Variants in FBXL20 observed in about 807,000 individuals in gnomAD.
The protein encoded by FBXL20 is F-box/LRR-repeat protein 20.
A neutral mutation model predicts 64.0 loss-of-function variants in FBXL20; 11 were observed. That is an observed-to-expected ratio of 0.17 (90% CI 0.11 to 0.28). FBXL20 has a LOEUF of 0.28. FBXL20 is among the 10% of genes least tolerant of loss of function. The pLI is 1.00. For missense variants in FBXL20, 303 were observed against 526.2 expected (o/e 0.58, Z 4.15); for synonymous variants, 184 against 189.0 (o/e 0.97, Z 0.22).
At chr17:39,348,699 T>C (rs2047658148) in intron 1 of FBXL20, among the ~76,000 whole-genome samples, 1 of 152,164 alleles carries the variant, frequency 6.6e-6, no homozygotes, top group Non-Finnish European at 1.5e-5. Flanking sequence ...TTGTAATGTG[T>C]TTACATGTTC....
At chr17:39,402,321 T>C (rs879762655), upstream of FBXL20, 10 of 789,364 alleles carry the variant, frequency 1.3e-5, no homozygotes, top group Non-Finnish European at 1.7e-5. Flanking sequence ...CCCGCCCCAG[T>C]GCATTACATT....
intron 6 of FBXL20, among the ~76,000 whole-genome samples, chr17:39,288,754 G>C (rs770496512): frequency 6.6e-6 from 1 of 151,804 alleles, no homozygotes; most frequent in Non-Finnish European, 1.5e-5. Context: ...TGTCACCCAG[G>C]CTGGAGTGCA....
intron 7 of FBXL20, among the ~76,000 whole-genome samples, chr17:39,284,299 C>T (rs1280305852): frequency 1.3e-5 from 2 of 152,100 alleles, no homozygotes; most frequent in African/African-American, 2.4e-5. Context: ...CACAGCAAAC[C>T]GTCTTAGGTA....
chr17:39,339,165 CA>C (rs59901064), intron 2 of FBXL20, among the ~76,000 whole-genome samples: 4,846 of 67,916 alleles, frequency 0.071, 56 homozygotes, highest in Non-Finnish European at 0.1. Context: ...GACCCTGTCT[CA>C]AAAAAAAAAA....
At chr17:39,355,276 AGCACTT>A (rs1170702399) in intron 1 of FBXL20, among the ~76,000 whole-genome samples, 1 of 151,796 alleles carries the variant, frequency 6.6e-6, no homozygotes, top group African/African-American at 2.4e-5. Flanking sequence ...CTGTAATCCC[AGCACTT>A]TGGGAGGCTG....
rs180994755 is a variant in FBXL20 at position 39,327,610 on chromosome 17, G to A, written c.104+15570C>T. ...ATAAAATTACATAAGATGTACACAC[G>A]CACCCCCCAAAAACCATATATTTAT... On this transcript the variant is annotated intron_variant, in intron 2 of 14. Transcript: ENST00000264658. Among the ~76,000 whole-genome samples, 296 of 151,930 alleles carry A rather than the reference G, an allele frequency of 1.9e-3. 1 individual carries two copies. The highest frequency in any genetic ancestry group is 6.8e-3 in the Middle Eastern group (2 of 292).
intron 2 of FBXL20, among the ~76,000 whole-genome samples, chr17:39,335,097 GT>G (rs2047507458): frequency 6.6e-6 from 1 of 152,136 alleles, no homozygotes; most frequent in African/African-American, 2.4e-5. Context: ...TGAAGACCCT[GT>G]TTCTCTAGCT....
At chr17:39,328,017 G>A (rs1426529272) in intron 2 of FBXL20, among the ~76,000 whole-genome samples, 2 of 152,080 alleles carry the variant, frequency 1.3e-5, no homozygotes, top group Admixed American at 6.6e-5. Context: ...GGAGGCCAAG[G>A]CAGGCGCATC....
chr17:39,381,862 C>T (rs960049818), intron 1 of FBXL20, among the ~76,000 whole-genome samples: 14 of 150,706 alleles, frequency 9.3e-5, no homozygotes, highest in South Asian at 2.1e-4. Context: ...TTCGGGAAGC[C>T]GAGGGGGGCG....
At chr17:39,271,389 G>C (rs1353218983) in intron 10 of FBXL20, among the ~76,000 whole-genome samples, 1 of 151,726 alleles carries the variant, frequency 6.6e-6, no homozygotes, top group Non-Finnish European at 1.5e-5. Flanking sequence ...CCTGAGGTCA[G>C]GAGTTCGAGA....
At chr17:39,392,086 G>A (rs946281685) in intron 1 of FBXL20, among the ~76,000 whole-genome samples, 3 of 151,964 alleles carry the variant, frequency 2.0e-5, no homozygotes, top group African/African-American at 4.8e-5. Context: ...ACAGTGAGTC[G>A]AGATCACGCC....
chr17:39,290,375 C>T (rs2047027288), intron 6 of FBXL20, among the ~76,000 whole-genome samples: 2 of 151,990 alleles, frequency 1.3e-5, no homozygotes, highest in Non-Finnish European at 2.9e-5. Context: ...TTTTATAATC[C>T]TTCCTCTATT....
chr17:39,302,366 G>A (rs560777475), intron 3 of FBXL20, among the ~76,000 whole-genome samples: 105 of 144,968 alleles, frequency 7.2e-4, no homozygotes, highest in African/African-American at 1.8e-3. Flanking sequence ...ATGCACCACC[G>A]CATTTGGCTT....
upstream of FBXL20, chr17:39,402,286 C>G: frequency 1.9e-6 from 2 of 1,037,616 alleles, no homozygotes; most frequent in South Asian, 4.8e-5. Context: ...CCGCGGTTGC[C>G]GCCGCCGCCG....
At chr17:39,265,022 T>C (rs755629281) in intron 13 of FBXL20, among the ~76,000 whole-genome samples, 1 of 152,198 alleles carries the variant, frequency 6.6e-6, no homozygotes, top group Admixed American at 6.5e-5. Context: ...AAAGCTTTGA[T>C]TGGTTCCATT....
intron 2 of FBXL20, among the ~76,000 whole-genome samples, chr17:39,330,809 G>A (rs1011758034): frequency 6.6e-6 from 1 of 152,090 alleles, no homozygotes; most frequent in Admixed American, 6.6e-5. Flanking sequence ...CTATTAGGCA[G>A]AAACAAACCA....
At chr17:39,288,855 C>T (rs111826244) in intron 6 of FBXL20, among the ~76,000 whole-genome samples, 2 of 151,990 alleles carry the variant, frequency 1.3e-5, no homozygotes, top group Non-Finnish European at 2.9e-5. Flanking sequence ...AGGCACGTGC[C>T]GCCACACTCG....
At chr17:39,283,197 A>G (rs1264548979) in intron 7 of FBXL20, among the ~76,000 whole-genome samples, 1 of 152,242 alleles carries the variant, frequency 6.6e-6, no homozygotes, top group Non-Finnish European at 1.5e-5. Flanking sequence ...TAATTAATAA[A>G]GAGCTCTGAT....
In FBXL20 at chr17:39,281,374, A is replaced by G; in HGVS notation, c.696+15T>C. 1 of 1,612,344 alleles carries G rather than the reference A, an allele frequency of 6.2e-7. No individual in the cohort carries two copies. The highest frequency in any genetic ancestry group is 8.5e-7 in the Non-Finnish European group (1 of 1,178,810). ...GAATTACTAAAACAGAAGAGTTGTG[A>G]GAAGGGATGTTTACCAAGCAAGTCT... On this transcript the variant is annotated intron_variant, in intron 9 of 14. Transcript: ENST00000264658.
Sources: gnomAD v4.1 joint callset for allele counts (sites outside exome capture counted in the v4.1 genomes callset) on GRCh38, gnomAD v4.1.1 for gene constraint, MANE v1.5 for transcripts, NCBI Gene and HGNC (gene_info 2026-07-23, HGNC 2026-07-21) for gene names.